Variants in SPHKAP observed in about 807,000 individuals in gnomAD.
The protein encoded by SPHKAP is SPHK1 interactor, AKAP domain containing.
SPHKAP carries 67 observed loss-of-function variants against 137.5 expected under a neutral mutation model. The ratio of observed to expected loss-of-function variants is 0.49; its 90% CI spans 0.40 to 0.60. The LOEUF is 0.60. Ranked by LOEUF, SPHKAP falls within the 20% of genes least tolerant of loss-of-function variation. The pLI, the probability that SPHKAP is intolerant of heterozygous loss-of-function variation, is 0.00. For missense variants in SPHKAP, 2,097 were observed against 2,069.3 expected (o/e 1.01, Z -0.26); for synonymous variants, 813 against 785.3 (o/e 1.04, Z -0.59).
chr2:228,093,174 A>G (rs1697861512), intron 3 of SPHKAP, among the ~76,000 whole-genome samples: 1 of 152,190 alleles, frequency 6.6e-6, no homozygotes, highest in Admixed American at 6.5e-5. Flanking sequence ...CTATACCACT[A>G]GTGGGAATGT....
rs868061966 is a variant in SPHKAP at position 228,104,224 on chromosome 2, T to G, written c.246+4608A>C. On this transcript the variant is annotated intron_variant, in intron 3 of 11. Coordinates refer to ENST00000392056, the MANE Select transcript of SPHKAP (RefSeq NM_001142644.2). ...TTATATATTATATAATGATTAAATATTATATGTTATATCATTATATTATAT... is the reference window on the plus strand; with the variant it reads ...TTATATATTATATAATGATTAAATAGTATATGTTATATCATTATATTATAT... Among the ~76,000 whole-genome samples the G allele has an allele frequency of 7.2e-3, 997 of 139,420 alleles. 7 individuals carry two copies. The highest frequency in any genetic ancestry group is 0.024 in the African/African-American group (926 of 38,972). The allele number at this position is 139,420 out of a possible 152,430, so 91.5% of individuals were successfully genotyped here. A position where few individuals can be genotyped will look rare whatever the true frequency, so the allele number is the denominator to read the frequency against.
intron 2 of SPHKAP, among the ~76,000 whole-genome samples, chr2:228,114,189 C>A (rs1698629668): frequency 6.6e-6 from 1 of 152,118 alleles, no homozygotes; most frequent in Middle Eastern, 3.2e-3. Context: ...TGTGTGTTCA[C>A]AAATTTGAAA....
rs141195352 is a variant in SPHKAP, at chr2:228,132,047, G to A, written c.71C>T (p.Pro24Leu). ...GCTGCCACAGCCTCTGCCCTGCTGC[G>A]GTTCCAAAACGTCATACATCCGTGA... ...ESSRMYDVLE[P>L]QQGRGCGSSG... Residue 24 changes from proline (P) to leucine (L), a missense_variant, in exon 2 of 12, where the codon CCG becomes CTG. By Grantham distance (98) the Pro-to-Leu change is moderately conservative. Transcript: ENST00000392056. The A allele has an allele frequency of 5.0e-6, 8 of 1,613,832 alleles. No individual in the cohort carries two copies. The highest frequency in any genetic ancestry group is 2.2e-5 in the East Asian group (1 of 44,884).
intron 1 of SPHKAP, among the ~76,000 whole-genome samples, chr2:228,155,350 A>T (rs1255262001): frequency 6.6e-6 from 1 of 152,226 alleles, no homozygotes; most frequent in African/African-American, 2.4e-5. Context: ...GCCATAACCT[A>T]TATGCAACTA....
At chr2:228,121,437 G>A (rs1698900841) in intron 2 of SPHKAP, among the ~76,000 whole-genome samples, 1 of 152,170 alleles carries the variant, frequency 6.6e-6, no homozygotes. Context: ...GATCACTTGA[G>A]CCCAGGAGTT....
chr2:228,034,137 A>G (rs1695472466), intron 3 of SPHKAP, among the ~76,000 whole-genome samples: 2 of 152,296 alleles, frequency 1.3e-5, no homozygotes, highest in Non-Finnish European at 2.9e-5. Flanking sequence ...CGCTAGCAAG[A>G]CTAATAAAGA....
At chr2:228,076,818 G>A (rs1186156190) in intron 3 of SPHKAP, among the ~76,000 whole-genome samples, 1 of 152,220 alleles carries the variant, frequency 6.6e-6, no homozygotes, top group Non-Finnish European at 1.5e-5. Context: ...TAAGTAACAA[G>A]AAGCCAAATG....
chr2:227,984,069 G>A (rs1693111908), intron 11 of SPHKAP, among the ~76,000 whole-genome samples: 1 of 152,092 alleles, frequency 6.6e-6, no homozygotes. Flanking sequence ...GGGAGGCTGA[G>A]GCAGGCTGAT....
chr2:228,058,366 T>A (rs1696519404), intron 3 of SPHKAP, among the ~76,000 whole-genome samples: 1 of 152,232 alleles, frequency 6.6e-6, no homozygotes, highest in Non-Finnish European at 1.5e-5. Flanking sequence ...TATGCCATTA[T>A]ACCTGCATTA....
In SPHKAP at chr2:228,131,996, A is replaced by T. The variant is rs77015733; in HGVS notation, c.122T>A (p.Ile41Asn). ...GSSGSGPGNS[I>N]TACKKVLRSN... The stretch of plus-strand genomic sequence containing the variant: ...CAAGGTTACCTTCTTACAGGCTGTG[A>T]TGGAGTTCCCCGGGCCGCTTCCTGA... The change falls in exon 2 of 12, where the codon ATC becomes AAC. Residue 41 changes from isoleucine (I) to asparagine (N), a missense_variant. By Grantham distance (149) the Ile-to-Asn change is moderately radical. Transcript: ENST00000392056. The T allele has an allele frequency of 6.2e-7, 1 of 1,614,006 alleles. No individual in the cohort carries two copies. The highest frequency in any genetic ancestry group is 1.7e-5 in the Admixed American group (1 of 60,014).
At chr2:228,081,607 C>T (rs1697367371) in intron 3 of SPHKAP, among the ~76,000 whole-genome samples, 1 of 152,120 alleles carries the variant, frequency 6.6e-6, no homozygotes, top group South Asian at 2.1e-4. Context: ...TGGAATACTA[C>T]TCAGCCTTAA....
chr2:228,097,971 C>T (rs567029274), intron 3 of SPHKAP, among the ~76,000 whole-genome samples: 10 of 152,142 alleles, frequency 6.6e-5, no homozygotes, highest in Admixed American at 2.0e-4. Flanking sequence ...TTTGATAGAA[C>T]GATCTATATT....
rs1168623467 is a variant in SPHKAP at position 228,154,532 on chromosome 2, A to ATT, written c.33-22449_33-22448dup. Among the ~76,000 whole-genome samples, 7 of 29,404 alleles carry ATT rather than the reference A, an allele frequency of 2.4e-4. 1 individual carries two copies. The highest frequency in any genetic ancestry group is 4.1e-4 in the Non-Finnish European group (7 of 17,264). The allele number at this position is 29,404 out of a possible 152,430, so 19.3% of individuals were successfully genotyped here. A position where few individuals can be genotyped will look rare whatever the true frequency, so the allele number is the denominator to read the frequency against. ...TCTCTCTATATATATATATATATAT[A>ATT]TTTTTTTTTTTTTTTTTTTTTTTTT... On this transcript the variant is annotated intron_variant, in intron 1 of 11. Transcript: ENST00000392056.
chr2:228,046,889 A>C (rs1433996113), intron 3 of SPHKAP, among the ~76,000 whole-genome samples: 1 of 152,150 alleles, frequency 6.6e-6, no homozygotes, highest in Non-Finnish European at 1.5e-5. Flanking sequence ...ATTGAAGTTT[A>C]TCCTTTTGGC....
intron 1 of SPHKAP, among the ~76,000 whole-genome samples, chr2:228,161,413 C>T (rs1219940411): frequency 6.6e-6 from 1 of 152,128 alleles, no homozygotes; most frequent in Non-Finnish European, 1.5e-5. Context: ...GAGTTTCAGC[C>T]ATCAGTGAAG....
chr2:228,139,451 A>C (rs1351862604), intron 1 of SPHKAP, among the ~76,000 whole-genome samples: 1 of 152,208 alleles, frequency 6.6e-6, no homozygotes, highest in Non-Finnish European at 1.5e-5. Context: ...ATTGGAGATT[A>C]TATGACAATA....
At chr2:228,137,100 C>T (rs952549548) in intron 1 of SPHKAP, among the ~76,000 whole-genome samples, 1 of 151,458 alleles carries the variant, frequency 6.6e-6, no homozygotes, top group African/African-American at 2.4e-5. Context: ...CCCACTCCAA[C>T]CCAGGAAGTG....
chr2:228,063,909 T>G (rs1202372637), intron 3 of SPHKAP, among the ~76,000 whole-genome samples: 1 of 152,226 alleles, frequency 6.6e-6, no homozygotes, highest in Non-Finnish European at 1.5e-5. Context: ...AATTGGTCAA[T>G]CTTTAAGTGC....
chr2:228,032,866 T>A (rs931888498), intron 3 of SPHKAP, among the ~76,000 whole-genome samples: 1 of 151,774 alleles, frequency 6.6e-6, no homozygotes, highest in Non-Finnish European at 1.5e-5. Flanking sequence ...CTACAAGAGC[T>A]CCTGAAGGAA....
Sources: allele counts gnomAD v4.1 joint callset (sites outside exome capture counted in the v4.1 genomes callset), GRCh38; gene constraint gnomAD v4.1.1; transcripts MANE v1.5; gene names NCBI Gene and HGNC (gene_info 2026-07-23, HGNC 2026-07-21).